SLC37A1: variants seen among roughly 807,000 people sequenced by gnomAD.
SLC37A1 encodes solute carrier family 37 member 1.
A neutral mutation model predicts 75.3 loss-of-function variants in SLC37A1; 49 were observed. The observed-to-expected ratio is 0.65, with a 90% CI of 0.52 to 0.83. SLC37A1 has a LOEUF of 0.83. Among genes scored for constraint, SLC37A1 ranks in the 40% least tolerant of loss-of-function variants. The pLI is 0.00. For synonymous variants in SLC37A1, 268 were observed against 292.1 expected, an observed-to-expected ratio of 0.92 and a Z score of 0.84; for missense variants, 566 against 695.0, an observed-to-expected ratio of 0.81 and a Z score of 2.09.
chr21:42,531,827 C>G (rs228046), intron 3 of SLC37A1, among the ~76,000 whole-genome samples: 82,432 of 152,082 alleles, frequency 0.54, 23,038 homozygotes, highest in Admixed American at 0.65. Flanking sequence ...CCTCAGAACT[C>G]TTTGTGCTGG....
chr21:42,569,988 G>A (rs937760778), intron 17 of SLC37A1, among the ~76,000 whole-genome samples: 2 of 151,602 alleles, frequency 1.3e-5, no homozygotes, highest in Admixed American at 6.6e-5. Flanking sequence ...TTCTGGCCTT[G>A]TTCTGAGAAG....
At chr21:42,515,321 GA>G (rs1343983037) in intron 1 of SLC37A1, among the ~76,000 whole-genome samples, 1 of 151,978 alleles carries the variant, frequency 6.6e-6, no homozygotes, top group Admixed American at 6.6e-5. Context: ...TTTTGGAGGA[GA>G]ATTGCATTTC....
chr21:42,571,481 T>C (rs3746933), intron 17 of SLC37A1, among the ~76,000 whole-genome samples: 109,781 of 152,174 alleles, frequency 0.72, 40,392 homozygotes, highest in Admixed American at 0.79. Flanking sequence ...CCTTAGAAGC[T>C]AGACAGTCCT....
intron 9 of SLC37A1, among the ~76,000 whole-genome samples, chr21:42,553,059 C>T (rs930975174): frequency 1.3e-5 from 2 of 152,160 alleles, no homozygotes; most frequent in African/African-American, 2.4e-5. Flanking sequence ...GGAAATGCCT[C>T]GAAATGTAAA....
intron 9 of SLC37A1, among the ~76,000 whole-genome samples, chr21:42,550,621 A>AAAG (rs138329144): frequency 0.14 from 20,699 of 152,134 alleles, 2,041 homozygotes; most frequent in African/African-American, 0.28. Flanking sequence ...CGTAATAACA[A>AAAG]AAGACTAAAA....
intron 17 of SLC37A1, among the ~76,000 whole-genome samples, chr21:42,574,479 CTT>C (rs1295432770): frequency 2.0e-5 from 3 of 152,218 alleles, no homozygotes; most frequent in Admixed American, 2.0e-4. Context: ...GTGGTTATGT[CTT>C]TTTATTTTTT....
intron 13 of SLC37A1, 118 bp from the exon 14 acceptor site, chr21:42,564,590 A>G (rs1279194172): frequency 3.9e-6 from 3 of 775,638 alleles, no homozygotes; most frequent in East Asian, 2.5e-5. Context: ...CCCGTGATGC[A>G]TGGAGAGAGG....
chr21:42,559,614 G>A (rs930989263), intron 11 of SLC37A1, among the ~76,000 whole-genome samples: 11 of 152,256 alleles, frequency 7.2e-5, no homozygotes, highest in East Asian at 1.9e-4. Context: ...AGTGGCTCAC[G>A]CCTATAATCC....
At chr21:42,510,886 T>C (rs2054426833), upstream of SLC37A1, among the ~76,000 whole-genome samples, 1 of 152,058 alleles carries the variant, frequency 6.6e-6, no homozygotes, top group African/African-American at 2.4e-5. Context: ...GAAATAGCAA[T>C]ACAGTAATAG....
intron 1 of SLC37A1, among the ~76,000 whole-genome samples, chr21:42,517,535 G>A (rs1468759963): frequency 1.3e-5 from 2 of 152,226 alleles, no homozygotes; most frequent in Non-Finnish European, 1.5e-5. Flanking sequence ...AAGTGAATGT[G>A]GGGAACTGAT....
chr21:42,554,982 G>GTT (rs57783969), intron 10 of SLC37A1, among the ~76,000 whole-genome samples: 58 of 116,576 alleles, frequency 5.0e-4, no homozygotes, highest in Middle Eastern at 4.7e-3. Context: ...TTGGTTGGTT[G>GTT]TTTTTTTTTT....
At chr21:42,526,519 G>A (rs1356412184) in intron 3 of SLC37A1, among the ~76,000 whole-genome samples, 1 of 152,120 alleles carries the variant, frequency 6.6e-6, no homozygotes, top group Non-Finnish European at 1.5e-5. Flanking sequence ...GTGGCCCCTC[G>A]CTCACTCTCC....
chr21:42,542,100 T>C (rs1259987968), intron 6 of SLC37A1, among the ~76,000 whole-genome samples: 3 of 152,336 alleles, frequency 2.0e-5, no homozygotes, highest in Middle Eastern at 3.4e-3. Context: ...CACACTGTTA[T>C]GAGGTGTGAT....
At chr21:42,567,938 T>C (rs1188345545) in intron 16 of SLC37A1, among the ~76,000 whole-genome samples, 1 of 152,160 alleles carries the variant, frequency 6.6e-6, no homozygotes, top group Non-Finnish European at 1.5e-5. Flanking sequence ...TGCAGAGACA[T>C]CTGACAGGGG....
intron 13 of SLC37A1, 134 bp downstream of exon 13, chr21:42,564,011 C>T: frequency 1.0e-6 from 1 of 975,380 alleles, no homozygotes; most frequent in Non-Finnish European, 1.6e-6. Flanking sequence ...CCAAGAGGGT[C>T]AGGCCGTCAC....
intron 11 of SLC37A1, among the ~76,000 whole-genome samples, chr21:42,559,802 G>A (rs985182247): frequency 2.0e-5 from 3 of 151,768 alleles, no homozygotes; most frequent in Non-Finnish European, 4.4e-5. Flanking sequence ...CTTGAACCCG[G>A]GAGGCAGAAG....
At chr21:42,577,367 A>G (rs1334657382) in intron 18 of SLC37A1, among the ~76,000 whole-genome samples, 1 of 152,276 alleles carries the variant, frequency 6.6e-6, no homozygotes, top group African/African-American at 2.4e-5. Flanking sequence ...AGAATGTGCA[A>G]CAGAAACCAT....
rs1161313598 is a variant in SLC37A1, at chr21:42,530,654, A to ACACACACACACACACC, written c.139-4043_139-4042insACACACACACACACCC. 5.9e-3 allele frequency among the ~76,000 whole-genome samples: 211 copies of ACACACACACACACACC among 35,864 alleles called. 11 individuals are homozygous for ACACACACACACACACC. Among genetic ancestry groups the ACACACACACACACACC allele is most frequent in the Non-Finnish European group, 8.0e-3 (153 of 19,086 alleles). 23.5% of individuals were successfully genotyped at this position (35,864 alleles called of 152,430 possible). Reference sequence around the variant, plus strand: ...CACACACACACACACACACACACACACCCCCTCTGTGTTGGCTGAAGGTGG... The same window carrying ACACACACACACACACC: ...CACACACACACACACACACACACACACACACACACACACACCCCCCCTCTGTGTTGGCTGAAGGTGG... On this transcript the variant is annotated intron_variant, in intron 3 of 19. Transcript: ENST00000352133.
intron 2 of SLC37A1, among the ~76,000 whole-genome samples, chr21:42,522,287 CAT>C (rs1300852039): frequency 9.2e-5 from 14 of 152,210 alleles, no homozygotes; most frequent in African/African-American, 3.1e-4. Flanking sequence ...CAAAAGGAAA[CAT>C]ATCATCCAAA....
Sources: allele counts gnomAD v4.1 joint callset (sites outside exome capture counted in the v4.1 genomes callset), GRCh38; gene constraint gnomAD v4.1.1; transcripts MANE v1.5; gene names NCBI Gene and HGNC (gene_info 2026-07-23, HGNC 2026-07-21).